Variants in CFAP54 observed in about 807,000 individuals in gnomAD.
CFAP54 encodes the protein cilia and flagella associated protein 54.
Under a neutral mutation model 370.4 loss-of-function variants are expected in CFAP54, and 290 were observed. The observed-to-expected ratio is 0.78, with a 90% CI of 0.71 to 0.86. The LOEUF (loss-of-function observed/expected upper bound fraction) is 0.86, where lower values mean the gene tolerates loss of function less well. Among genes scored for constraint, CFAP54 ranks in the 40% least tolerant of loss-of-function variants. The pLI is 0.00. For synonymous variants in CFAP54, 1,206 were observed against 1,236.5 expected, an observed-to-expected ratio of 0.98 and a Z score of 0.52; for missense variants, 3,399 against 3,528.7, an observed-to-expected ratio of 0.96 and a Z score of 0.93.
At chr12:96,785,708 C>G (rs1368812781) in intron 61 of CFAP54, among the ~76,000 whole-genome samples, 1 of 152,220 alleles carries the variant, frequency 6.6e-6, no homozygotes, top group Non-Finnish European at 1.5e-5. Flanking sequence ...AGTCTGCTCA[C>G]CTCTGAATTC....
At chr12:96,813,543 A>G (rs1382121895) in intron 64 of CFAP54, among the ~76,000 whole-genome samples, 3 of 152,260 alleles carry the variant, frequency 2.0e-5, no homozygotes, top group Non-Finnish European at 2.9e-5. Flanking sequence ...AAGAAAAAGT[A>G]TATTTTAATT....
At chr12:96,867,944 T>G (rs1489241547) in intron 67 of CFAP54, among the ~76,000 whole-genome samples, 1 of 152,228 alleles carries the variant, frequency 6.6e-6, no homozygotes, top group African/African-American at 2.4e-5. Flanking sequence ...ATATATTAAT[T>G]GTCTCGATTT....
At chr12:96,826,735 A>G (rs1959112605) in intron 65 of CFAP54, among the ~76,000 whole-genome samples, 4 of 112,304 alleles carry the variant, frequency 3.6e-5, no homozygotes, top group Non-Finnish European at 6.5e-5. Flanking sequence ...ATATTATATA[A>G]TATATAATTC....
At chr12:96,496,396 T>C (rs966209316) in intron 1 of CFAP54, among the ~76,000 whole-genome samples, 1 of 152,216 alleles carries the variant, frequency 6.6e-6, no homozygotes, top group Non-Finnish European at 1.5e-5. Flanking sequence ...CAGAAATTTA[T>C]TTATTTTTCA....
chr12:96,639,923 G>A lies in CFAP54; in HGVS notation c.4317-4255G>A, dbSNP rs193224539. Among the ~76,000 whole-genome samples the A allele has an allele frequency of 5.0e-3, 755 of 152,178 alleles. 7 individuals carry two copies. Among genetic ancestry groups the A allele is most frequent in the African/African-American group, 0.017 (704 of 41,522 alleles). On this transcript the variant is annotated intron_variant, in intron 32 of 67. Coordinates refer to ENST00000524981, the MANE Select transcript of CFAP54 (RefSeq NM_001306084.2). ...TCAATAAATTAGGTATTGATGGGAC[G>A]TATCTCAAAATAATAAGAGCTATCT...
chr12:96,729,622 C>G (rs1957891917), intron 50 of CFAP54, among the ~76,000 whole-genome samples: 1 of 152,220 alleles, frequency 6.6e-6, no homozygotes, highest in Non-Finnish European at 1.5e-5. Context: ...AGGGAACTCC[C>G]TGACCCCTTG....
At chr12:96,739,338 G>A (rs1178359463) in intron 50 of CFAP54, among the ~76,000 whole-genome samples, 1 of 152,130 alleles carries the variant, frequency 6.6e-6, no homozygotes, top group Non-Finnish European at 1.5e-5. Context: ...GACAGGGGAG[G>A]AGAATATAAC....
intron 36 of CFAP54, among the ~76,000 whole-genome samples, chr12:96,652,239 T>G (rs1956868128): frequency 6.6e-6 from 1 of 152,204 alleles, no homozygotes; most frequent in Admixed American, 6.5e-5. Context: ...TTAAAATTTA[T>G]CACACTGTGG....
At chr12:96,685,292 T>A in intron 42 of CFAP54, 54 bp downstream of exon 42, 1 of 1,512,990 alleles carries the variant, frequency 6.6e-7, no homozygotes, top group South Asian at 1.1e-5. Context: ...CCTTGTGGGG[T>A]GCCCTCCTGT....
intron 27 of CFAP54, among the ~76,000 whole-genome samples, chr12:96,622,329 G>GCCCT (rs1592890137): frequency 3.4e-5 from 1 of 29,404 alleles, no homozygotes; most frequent in Admixed American, 3.1e-4. Flanking sequence ...CTGCCCGCCC[G>GCCCT]CCCTCCCTCC....
At chr12:96,578,010 C>T (rs759809808) in intron 20 of CFAP54, among the ~76,000 whole-genome samples, 20 of 151,950 alleles carry the variant, frequency 1.3e-4, no homozygotes, top group African/African-American at 1.7e-4. Flanking sequence ...TGCAGTGAGC[C>T]GAGATCACGC....
At chr12:96,865,276 ATAAC>A (rs139692674) in intron 67 of CFAP54, among the ~76,000 whole-genome samples, 23 of 152,334 alleles carry the variant, frequency 1.5e-4, no homozygotes, top group African/African-American at 2.4e-4. Flanking sequence ...TAAATAATGA[ATAAC>A]TAAACAACAT....
rs76488384 is a variant in CFAP54, at chr12:96,670,831, G to A, written c.5563+6899G>A. ...TCACCGGCCTTTTTGCTGTGACACC[G>A]CCAGCATAGGGCCTTGTTCTAGCTG... On this transcript the variant is annotated intron_variant, in intron 39 of 67. Coordinates refer to ENST00000524981, the MANE Select transcript of CFAP54 (RefSeq NM_001306084.2). 1.5e-3 allele frequency among the ~76,000 whole-genome samples: 227 copies of A among 152,302 alleles called. 3 individuals are homozygous for A. In the East Asian group the frequency reaches 0.033, roughly 22 times the overall value.
chr12:96,825,955 A>G (rs1457276677), intron 65 of CFAP54, among the ~76,000 whole-genome samples: 1 of 142,296 alleles, frequency 7.0e-6, no homozygotes, highest in Non-Finnish European at 1.5e-5. Context: ...TAATATATAA[A>G]TTAATATATA....
chr12:96,638,647 C>T (rs148497273), intron 32 of CFAP54, among the ~76,000 whole-genome samples: 1 of 152,012 alleles, frequency 6.6e-6, no homozygotes, highest in Non-Finnish European at 1.5e-5. Flanking sequence ...TATATCATTG[C>T]TTTGATTAAT....
At position 96,589,456 on chromosome 12, in the gene CFAP54, G is replaced by C. The variant is rs1956105123; in HGVS notation, c.3105G>C (p.Leu1035Phe). 6.5e-7 allele frequency: 1 copy of C among 1,532,480 alleles called. No individual in the cohort carries two copies. Among genetic ancestry groups the C allele is most frequent in the Non-Finnish European group, 8.7e-7 (1 of 1,144,066 alleles). The allele number at this position is 1,532,480 out of a possible 1,614,324, so 94.9% of individuals were successfully genotyped here. A position where few individuals can be genotyped will look rare whatever the true frequency, so the allele number is the denominator to read the frequency against. ...CCTATCAAGTTGGTAACTATGAATT[G>C]GCTAAGAAAGTTTTCTCACCAGTTT... ...QVAYQVGNYELAKKVFSPVWD... is the reference protein window; with the variant it reads ...QVAYQVGNYEFAKKVFSPVWD... The change falls in exon 23 of 68, where the codon TTG becomes TTC. Residue 1035 changes from leucine (L) to phenylalanine (F), a missense_variant. Around this residue, in one of 3 missense-constraint regions of CFAP54, gnomAD observed 2,796 missense variants for 2,869.7 expected, o/e 0.97. Transcript: ENST00000524981.
chr12:96,664,785 A>ATCTATATCTATATCTATATC (rs1565934533), intron 39 of CFAP54, among the ~76,000 whole-genome samples: 5 of 26,376 alleles, frequency 1.9e-4, no homozygotes, highest in South Asian at 8.2e-4. Flanking sequence ...ATCTATATAT[A>ATCTATATCTATATCTATATC]TATATATATA....
chr12:96,840,654 A>C (rs1378106586), intron 66 of CFAP54, among the ~76,000 whole-genome samples: 9 of 142,992 alleles, frequency 6.3e-5, no homozygotes. Context: ...AAACCAAGAC[A>C]TGTCTGAATA....
chr12:96,797,291 G>A (rs1162336609), intron 63 of CFAP54, among the ~76,000 whole-genome samples: 2 of 151,924 alleles, frequency 1.3e-5, no homozygotes, highest in Non-Finnish European at 2.9e-5. Context: ...AAGAGAATAT[G>A]TACTCTTCAG....
Sources: gnomAD v4.1 joint callset for allele counts (sites outside exome capture counted in the v4.1 genomes callset) on GRCh38, gnomAD v4.1.1 for gene constraint, gnomAD v4.1.1 regional missense constraint, MANE v1.5 for transcripts, NCBI Gene and HGNC (gene_info 2026-07-23, HGNC 2026-07-21) for gene names.